PCDHGA1: variants seen among roughly 807,000 people sequenced by gnomAD.
The protein encoded by PCDHGA1 is protocadherin gamma-A1.
In PCDHGA1, 32 loss-of-function variants were observed where a neutral mutation model predicts 58.0. The ratio of observed to expected loss-of-function variants is 0.55; its 90% CI spans 0.42 to 0.74. PCDHGA1 has a LOEUF of 0.74. Among genes scored for constraint, PCDHGA1 ranks in the 30% least tolerant of loss-of-function variants. PCDHGA1 has a pLI of 0.00. For synonymous variants in PCDHGA1, 498 were observed against 501.1 expected, an observed-to-expected ratio of 0.99 and a Z score of 0.08; for missense variants, 1,205 against 1,182.3, an observed-to-expected ratio of 1.02 and a Z score of -0.28.
chr5:141,375,754 C>T, intron 1 of PCDHGA1: 1 of 1,614,244 alleles, frequency 6.2e-7, no homozygotes, highest in Non-Finnish European at 8.5e-7. Flanking sequence ...ACCAGAATGA[C>T]AATGCGCCCG....
chr5:141,378,119 G>A (rs1412148490), intron 1 of PCDHGA1: 1 of 152,132 alleles, frequency 6.6e-6, no homozygotes, highest in East Asian at 1.9e-4. Context: ...TAGTGAACAC[G>A]TATTTGTTGA....
chr5:141,409,613 A>G lies in PCDHGA1; in HGVS notation c.2421+76508A>G, dbSNP rs370495173. On this transcript the variant is annotated intron_variant, in intron 1 of 3. Coordinates refer to ENST00000517417, the MANE Select transcript of PCDHGA1 (RefSeq NM_018912.3). Reference sequence around the variant, plus strand: ...CGAGAACAACCCGCCAGGAGCCTCCATTGCGCAAGTGAGCGCCTCTGACCC... The same window carrying G: ...CGAGAACAACCCGCCAGGAGCCTCCGTTGCGCAAGTGAGCGCCTCTGACCC... The G allele has an allele frequency of 8.4e-5, 136 of 1,613,856 alleles. No individual in the cohort carries two copies. Among genetic ancestry groups the G allele is most frequent in the Middle Eastern group, 8.2e-4 (5 of 6,062 alleles).
At chr5:141,454,796 ATTTTTTTTTTTT>A (rs61612330) in intron 1 of PCDHGA1, among the ~76,000 whole-genome samples, 76 of 77,462 alleles carry the variant, frequency 9.8e-4, no homozygotes, top group African/African-American at 3.9e-3. Flanking sequence ...CATGGTTCTA[ATTTTTTTTTTTT>A]TTTTTTTTTT....
intron 1 of PCDHGA1, chr5:141,338,995 A>C: frequency 6.5e-7 from 1 of 1,547,780 alleles, no homozygotes; most frequent in Admixed American, 2.1e-5. Flanking sequence ...AAAAGTTGCC[A>C]CACTGCAGAA....
chr5:141,351,375 C>A, intron 1 of PCDHGA1: 1 of 1,612,582 alleles, frequency 6.2e-7, no homozygotes, highest in Non-Finnish European at 8.5e-7. Flanking sequence ...GACAAGGATT[C>A]TGGGCAAAAT....
chr5:141,336,227 A>C (rs1383357936), intron 1 of PCDHGA1, among the ~76,000 whole-genome samples: 1 of 152,142 alleles, frequency 6.6e-6, no homozygotes, highest in Non-Finnish European at 1.5e-5. Flanking sequence ...GTTAGGACTC[A>C]TGTAAGAGAG....
chr5:141,461,027 C>G (rs993151622), intron 1 of PCDHGA1, among the ~76,000 whole-genome samples: 2 of 150,168 alleles, frequency 1.3e-5, no homozygotes, highest in Non-Finnish European at 3.0e-5. Flanking sequence ...TTTTCTTTAT[C>G]CACTCATTAG....
intron 2 of PCDHGA1, among the ~76,000 whole-genome samples, chr5:141,497,393 CT>C (rs1035907100): frequency 2.1e-4 from 32 of 152,254 alleles, no homozygotes; most frequent in African/African-American, 7.5e-4. Context: ...CACCTTACCC[CT>C]GCCTCAACTC....
chr5:141,419,584 C>G, intron 1 of PCDHGA1: 1 of 1,611,800 alleles, frequency 6.2e-7, no homozygotes. Context: ...CCGCGCTCTT[C>G]GACACAGTGC....
At chr5:141,448,730 G>A (rs1419700194) in intron 1 of PCDHGA1, among the ~76,000 whole-genome samples, 1 of 152,072 alleles carries the variant, frequency 6.6e-6, no homozygotes, top group African/African-American at 2.4e-5. Context: ...CACGAGGTCA[G>A]GAGATCGAGA....
Position 141,352,298 on chromosome 5 carries a change from C to T in PCDHGA1, c.2421+19193C>T, listed in dbSNP as rs1414135907. 6.2e-6 allele frequency: 10 copies of T among 1,613,954 alleles called. No individual in the cohort carries two copies. The South Asian group carries it at 1.1e-4, about 18-fold the overall frequency. ...CAGCGACCGCCCTGAGCCCTCTGAC[C>T]CCCAGACGGAACTGCAGTTTTACCT... On this transcript the variant is annotated intron_variant, in intron 1 of 3. Transcript: ENST00000517417.
chr5:141,465,606 T>C (rs192541390), intron 1 of PCDHGA1, among the ~76,000 whole-genome samples: 22 of 152,338 alleles, frequency 1.4e-4, no homozygotes, highest in African/African-American at 5.3e-4. Context: ...TATCACTCTT[T>C]GGCCCTCCAG....
intron 1 of PCDHGA1, chr5:141,409,789 G>C (rs1390138666): frequency 1.2e-6 from 2 of 1,611,918 alleles, no homozygotes; most frequent in African/African-American, 2.7e-5. Context: ...GCGCCTTCGC[G>C]CTCACGCTGC....
chr5:141,366,430 C>T (rs753944795), intron 1 of PCDHGA1: 6 of 1,614,174 alleles, frequency 3.7e-6, no homozygotes, highest in Non-Finnish European at 4.2e-6. Context: ...TGGCTGCAGT[C>T]TCCTGCGTCT....
chr5:141,346,258 G>T (rs1344567118), intron 1 of PCDHGA1: 2 of 1,614,210 alleles, frequency 1.2e-6, no homozygotes. Context: ...CACTTTGTGG[G>T]CGCGGACGGG....
intron 2 of PCDHGA1, 103 bp from the exon 3 acceptor site, chr5:141,505,290 G>A: frequency 3.2e-6 from 5 of 1,564,680 alleles, no homozygotes; most frequent in Non-Finnish European, 4.3e-6. Context: ...TTGGGCATGG[G>A]GTAGGGTTAG....
rs71583649 is a variant in PCDHGA1, at chr5:141,491,361, C to A, written c.2422-3446C>A. On this transcript the variant is annotated intron_variant, in intron 1 of 3. Transcript: ENST00000517417. The surrounding 1 kb of genome is among the most constrained non-coding windows in gnomAD (Gnocchi z 6.9). The stretch of plus-strand genomic sequence containing the variant: ...CGACCGTCAGTCTCTTATCCCTAGT[C>A]ACCTTCACCTTTCTGTCAGCGAAGT... 1.0e-3 allele frequency: 1,614 copies of A among 1,614,132 alleles called. 5 individuals carry two copies. The highest frequency in any genetic ancestry group is 5.1e-3 in the Middle Eastern group (31 of 6,062).
At chr5:141,387,604 T>C (rs2091008879) in intron 1 of PCDHGA1, 2 of 547,084 alleles carry the variant, frequency 3.7e-6, no homozygotes, top group Non-Finnish European at 6.4e-6. Flanking sequence ...CAGCAGAGGC[T>C]GTAGTTTCCT....
chr5:141,401,586 A>G (rs1174763520), intron 1 of PCDHGA1, among the ~76,000 whole-genome samples: 2 of 152,228 alleles, frequency 1.3e-5, no homozygotes, highest in Admixed American at 1.3e-4. Context: ...ATCCTGACAT[A>G]TTCTTGAAGA....
Sources: gnomAD v4.1 joint callset for allele counts (sites outside exome capture counted in the v4.1 genomes callset) on GRCh38, gnomAD v4.1.1 for gene constraint, Gnocchi (gnomAD v3.1) non-coding constraint, MANE v1.5 for transcripts, NCBI Gene and HGNC (gene_info 2026-07-23, HGNC 2026-07-21) for gene names.